KALRN: variants seen among roughly 807,000 people sequenced by gnomAD.
The protein encoded by KALRN is kalirin RhoGEF kinase.
Under a neutral mutation model 353.7 loss-of-function variants are expected in KALRN, and 70 were observed. The ratio of observed to expected loss-of-function variants is 0.20; its 90% CI spans 0.16 to 0.24. KALRN has a LOEUF of 0.24. Among genes scored for constraint, KALRN ranks in the 10% least tolerant of loss-of-function variants. The pLI is 1.00. For synonymous variants in KALRN, 1,391 were observed against 1,434.8 expected (o/e 0.97, Z 0.69); for missense variants, 2,791 against 3,756.7 (o/e 0.74, Z 6.72).
chr3:124,305,681 T>C (rs1245352535), intron 6 of KALRN, among the ~76,000 whole-genome samples: 1 of 120,304 alleles, frequency 8.3e-6, no homozygotes, highest in Non-Finnish European at 1.8e-5. Flanking sequence ...GTCTTCTTAC[T>C]GTGGAGCTGT....
At position 124,269,363 on chromosome 3, in the gene KALRN, A is replaced by G. The variant is rs1164460479; in HGVS notation, c.969+108A>G. On this transcript the variant is annotated intron_variant, in intron 5 of 59. Transcript: ENST00000682506. Reference sequence around the variant, plus strand: ...GTACTTTCCTGGAAAGCTTTAAAACAGTGTGCCTACTAGTTTTAGCTAATG... The same window carrying G: ...GTACTTTCCTGGAAAGCTTTAAAACGGTGTGCCTACTAGTTTTAGCTAATG... 2.5e-6 allele frequency: 3 copies of G among 1,215,872 alleles called. No individual in the cohort carries two copies. The Admixed American group carries it at 7.7e-5, about 31-fold the overall frequency. The allele number at this position is 1,215,872 out of a possible 1,614,324, so 75.3% of individuals were successfully genotyped here.
rs201103539 is a variant in KALRN, at chr3:124,446,611, T to TA, written c.3430-143dup. On this transcript the variant is annotated intron_variant, in intron 20 of 59. Coordinates refer to ENST00000682506, the MANE Select transcript of KALRN (RefSeq NM_001388419.1). ...TCCAAAGCAAGGGAGGGCTCATTCA[T>TA]AAAAAAAAACTCCAGAGCTACATAC... 4.5e-3 allele frequency: 4,089 copies of TA among 907,920 alleles called. 5 individuals carry two copies. Among genetic ancestry groups the TA allele is most frequent in the East Asian group, 0.022 (871 of 39,682 alleles). 56.2% of individuals were successfully genotyped at this position (907,920 alleles called of 1,614,324 possible).
At chr3:124,168,844 A>G (rs1029091907) in intron 1 of KALRN, among the ~76,000 whole-genome samples, 1 of 152,228 alleles carries the variant, frequency 6.6e-6, no homozygotes, top group African/African-American at 2.4e-5. Context: ...AGGCATCTCC[A>G]TGTGTCTTCA....
At chr3:124,152,582 TTTCTTTCTTTC>T in intron 1 of KALRN, 1 of 603,676 alleles carries the variant, frequency 1.7e-6, no homozygotes, top group South Asian at 1.9e-5. Flanking sequence ...CTTTTCTTTC[TTTCTTTCTTTC>T]TTTTTTTTTT....
intron 28 of KALRN, among the ~76,000 whole-genome samples, chr3:124,483,583 TA>T (rs991539395): frequency 4.7e-5 from 7 of 147,910 alleles, no homozygotes; most frequent in African/African-American, 1.7e-4. Flanking sequence ...AATAAATAAA[TA>T]AAAGGTCAGA....
chr3:124,329,722 C>A, intron 7 of KALRN, 139 bp from the exon 8 acceptor site: 1 of 883,622 alleles, frequency 1.1e-6, no homozygotes, highest in Non-Finnish European at 1.7e-6. Context: ...ATTAAAAAAA[C>A]TCTACCCTCT....
intron 34 of KALRN, among the ~76,000 whole-genome samples, chr3:124,609,747 AAT>A (rs376690798): frequency 8.5e-5 from 13 of 152,346 alleles, no homozygotes; most frequent in African/African-American, 3.1e-4. Context: ...ACTGCCATTT[AAT>A]AGTCATTACT....
At chr3:124,368,046 C>T (rs1458940381) in intron 10 of KALRN, among the ~76,000 whole-genome samples, 3 of 43,814 alleles carry the variant, frequency 6.8e-5, no homozygotes, top group Non-Finnish European at 1.3e-4. Flanking sequence ...GGAGGGCTGA[C>T]CCCCCCACCT....
intron 5 of KALRN, among the ~76,000 whole-genome samples, chr3:124,297,435 G>A (rs778859105): frequency 6.6e-6 from 1 of 152,064 alleles, no homozygotes; most frequent in Non-Finnish European, 1.5e-5. Context: ...TTGTTTTTTG[G>A]TCCCTAGCAT....
At chr3:124,060,948 C>G (rs987316690) in intron 1 of KALRN, among the ~76,000 whole-genome samples, 4 of 152,210 alleles carry the variant, frequency 2.6e-5, no homozygotes, top group African/African-American at 9.6e-5. Flanking sequence ...TGGAGGTGGA[C>G]TCTCAATAAG....
intron 34 of KALRN, among the ~76,000 whole-genome samples, chr3:124,609,363 C>G (rs2077685663): frequency 6.6e-6 from 1 of 152,166 alleles, no homozygotes; most frequent in African/African-American, 2.4e-5. Context: ...CATAAATCCC[C>G]TCTTCCATGT....
intron 1 of KALRN, among the ~76,000 whole-genome samples, chr3:124,098,058 G>A (rs143457626): frequency 1.3e-3 from 194 of 152,272 alleles, no homozygotes; most frequent in African/African-American, 4.6e-3. Context: ...GTATTCATGG[G>A]GACCTGACAA....
chr3:124,255,814 G>A (rs1279702209), intron 3 of KALRN, among the ~76,000 whole-genome samples: 1 of 152,174 alleles, frequency 6.6e-6, no homozygotes, highest in African/African-American at 2.4e-5. Context: ...ATGTAAAAAT[G>A]TGAGTAAAAA....
At chr3:124,256,378 G>A (rs2148814488) in intron 3 of KALRN, among the ~76,000 whole-genome samples, 1 of 152,318 alleles carries the variant, frequency 6.6e-6, no homozygotes, top group African/African-American at 2.4e-5. Flanking sequence ...ACAGAGCTGG[G>A]ATAATAGTAG....
intron 13 of KALRN, among the ~76,000 whole-genome samples, chr3:124,403,922 C>A (rs563908433): frequency 2.0e-5 from 3 of 152,224 alleles, no homozygotes; most frequent in African/African-American, 7.2e-5. Flanking sequence ...TTAGCCCAGT[C>A]AGGATGTTCA....
chr3:124,418,522 A>G (rs1312203546), intron 14 of KALRN, among the ~76,000 whole-genome samples: 2 of 152,216 alleles, frequency 1.3e-5, no homozygotes, highest in African/African-American at 4.8e-5. Context: ...AGAAAAGAGA[A>G]AAGATGTTCT....
chr3:124,204,852 C>T (rs1298481736), intron 1 of KALRN, among the ~76,000 whole-genome samples: 1 of 152,188 alleles, frequency 6.6e-6, no homozygotes, highest in African/African-American at 2.4e-5. Flanking sequence ...TGCCTCCCCA[C>T]CTAAAACTAG....
intron 9 of KALRN, among the ~76,000 whole-genome samples, chr3:124,341,811 C>T (rs1218544392): frequency 1.3e-5 from 2 of 152,204 alleles, no homozygotes; most frequent in Non-Finnish European, 2.9e-5. Context: ...GAAACACCCA[C>T]TCCAGCCTGA....
intron 36 of KALRN, among the ~76,000 whole-genome samples, chr3:124,635,468 G>C (rs609911): frequency 0.64 from 97,779 of 151,982 alleles, 32,290 homozygotes; most frequent in East Asian, 0.9. Context: ...TTTTCCTTAT[G>C]CAGAAATGGG....
Sources: gnomAD v4.1 joint callset for allele counts (sites outside exome capture counted in the v4.1 genomes callset) on GRCh38, gnomAD v4.1.1 for gene constraint, MANE v1.5 for transcripts, NCBI Gene and HGNC (gene_info 2026-07-23, HGNC 2026-07-21) for gene names.